NTM: variants seen among roughly 807,000 people sequenced by gnomAD.
NTM encodes IgLON family member 2.
A neutral mutation model predicts 42.1 loss-of-function variants in NTM; 13 were observed. The ratio of observed to expected loss-of-function variants is 0.31; its 90% CI spans 0.20 to 0.49. The LOEUF is 0.49. Ranked by LOEUF, NTM falls within the 20% of genes least tolerant of loss-of-function variation. The pLI, the probability that NTM is intolerant of heterozygous loss-of-function variation, is 0.99. For missense variants in NTM, 373 were observed against 452.8 expected, an observed-to-expected ratio of 0.82 and a Z score of 1.60; for synonymous variants, 187 against 179.2, an observed-to-expected ratio of 1.04 and a Z score of -0.35.
rs1019899764 is a variant in NTM at position 131,688,286 on chromosome 11, C to T, written c.83-223278C>T. Among the ~76,000 whole-genome samples, 4 of 152,316 alleles carry T rather than the reference C, an allele frequency of 2.6e-5. No individual in the cohort carries two copies. The South Asian group carries it at 8.3e-4, about 32-fold the overall frequency. On this transcript the variant is annotated intron_variant, in intron 1 of 8. Coordinates refer to ENST00000683400, the MANE Select transcript of NTM (RefSeq NM_001352005.2). The stretch of plus-strand genomic sequence containing the variant: ...CAGACAGGGGGGAAAGCAGCTTGCC[C>T]GTCCTCCTTCCGTGCCCCTCCTGGG...
intron 1 of NTM, among the ~76,000 whole-genome samples, chr11:131,523,594 G>C (rs993480948): frequency 6.6e-6 from 1 of 152,034 alleles, no homozygotes; most frequent in Non-Finnish European, 1.5e-5. Context: ...TTCAGGGCCA[G>C]CCTGGCCAAC....
intron 2 of NTM, among the ~76,000 whole-genome samples, chr11:132,122,849 C>A (rs1229977957): frequency 6.6e-6 from 1 of 152,096 alleles, no homozygotes; most frequent in Admixed American, 6.6e-5. Flanking sequence ...CACAGTGGTG[C>A]CCAGAATTAG....
intron 1 of NTM, among the ~76,000 whole-genome samples, chr11:131,374,513 G>A (rs1339362478): frequency 6.6e-6 from 1 of 152,174 alleles, no homozygotes; most frequent in African/African-American, 2.4e-5. Context: ...TACAGTCCCT[G>A]ACTTCTGTTC....
chr11:131,733,528 TTTCTTTCG>T (rs796692899), intron 1 of NTM, among the ~76,000 whole-genome samples: 3 of 151,100 alleles, frequency 2.0e-5, no homozygotes, highest in African/African-American at 4.9e-5. Context: ...CCTTTCTTTC[TTTCTTTCG>T]TTGTTTTTTG....
At chr11:131,916,829 G>A (rs554285218) in intron 2 of NTM, among the ~76,000 whole-genome samples, 1 of 152,272 alleles carries the variant, frequency 6.6e-6, no homozygotes, top group African/African-American at 2.4e-5. Flanking sequence ...TCACTCTGTT[G>A]TGGACACCCA....
chr11:131,444,780 A>G (rs1436099984), intron 1 of NTM, among the ~76,000 whole-genome samples: 1 of 152,194 alleles, frequency 6.6e-6, no homozygotes, highest in Non-Finnish European at 1.5e-5. Context: ...TACAAGTGGA[A>G]TCAGTTGATC....
At chr11:131,976,143 C>CCTTT (rs1478736231) in intron 2 of NTM, among the ~76,000 whole-genome samples, 1 of 141,820 alleles carries the variant, frequency 7.1e-6, no homozygotes, top group African/African-American at 2.5e-5. Context: ...TTCCTTCCTT[C>CCTTT]CTTCCTTCCT....
chr11:131,743,728 G>A (rs2063024), intron 1 of NTM, among the ~76,000 whole-genome samples: 37,679 of 152,060 alleles, frequency 0.25, 5,384 homozygotes, highest in African/African-American at 0.38. Context: ...ATAGGAGGTC[G>A]TGTGAAACAG....
chr11:131,809,637 T>C (rs2092656711), intron 1 of NTM, among the ~76,000 whole-genome samples: 1 of 152,254 alleles, frequency 6.6e-6, no homozygotes, highest in African/African-American at 2.4e-5. Flanking sequence ...CTCAGTTTTG[T>C]TGCTGTGAAA....
At chr11:131,462,160 G>C (rs561197282) in intron 1 of NTM, among the ~76,000 whole-genome samples, 6 of 152,192 alleles carry the variant, frequency 3.9e-5, no homozygotes, top group Non-Finnish European at 7.3e-5. Context: ...GATCCAAGAG[G>C]CTGAATACTG....
chr11:132,132,351 A>G (rs949872352), intron 2 of NTM, among the ~76,000 whole-genome samples: 2 of 152,346 alleles, frequency 1.3e-5, no homozygotes, highest in Admixed American at 1.3e-4. Context: ...TTGTCATTCA[A>G]TTGCCTGTGC....
chr11:131,804,710 A>G (rs1565573639), intron 1 of NTM, among the ~76,000 whole-genome samples: 3 of 152,022 alleles, frequency 2.0e-5, no homozygotes, highest in Admixed American at 1.3e-4. Flanking sequence ...CTATGTCTCT[A>G]TTGCTGTGGT....
chr11:132,249,395 A>G (rs2091658494), intron 4 of NTM, among the ~76,000 whole-genome samples: 1 of 152,120 alleles, frequency 6.6e-6, no homozygotes, highest in African/African-American at 2.4e-5. Context: ...CTCCCTGGAG[A>G]AGGCAGGGAC....
chr11:132,322,743 A>G (rs1471757652), intron 7 of NTM, among the ~76,000 whole-genome samples: 2 of 142,746 alleles, frequency 1.4e-5, no homozygotes, highest in African/African-American at 5.2e-5. Flanking sequence ...TCAGCACCAC[A>G]CCACACCTAT....
At chr11:132,050,984 C>T (rs1341014608) in intron 2 of NTM, among the ~76,000 whole-genome samples, 1 of 152,156 alleles carries the variant, frequency 6.6e-6, no homozygotes, top group Non-Finnish European at 1.5e-5. Context: ...TGCAGCAAGT[C>T]GGGGGTGGTG....
chr11:131,388,520 G>A (rs1031383995), intron 1 of NTM, among the ~76,000 whole-genome samples: 2 of 151,262 alleles, frequency 1.3e-5, no homozygotes, highest in East Asian at 3.9e-4. Flanking sequence ...TAAGTATTAG[G>A]TACTTAGTGG....
chr11:131,874,448 C>T (rs541976483), intron 1 of NTM, among the ~76,000 whole-genome samples: 1 of 152,178 alleles, frequency 6.6e-6, no homozygotes, highest in South Asian at 2.1e-4. Flanking sequence ...AGACATTCTC[C>T]ACTAAAGAAA....
rs115817695 is a variant in NTM at position 131,791,802 on chromosome 11, A to T, written c.83-119762A>T. Among the ~76,000 whole-genome samples, 525 of 152,284 alleles carry T rather than the reference A, an allele frequency of 3.4e-3. 6 individuals carry two copies. Among genetic ancestry groups the T allele is most frequent in the African/African-American group, 0.012 (491 of 41,558 alleles). Reference sequence around the variant, plus strand: ...CTTAGAAGACGAAGTGTTACCAAATATGGCTTTGGAGGGAGAGTTTGAAGT... The same window carrying T: ...CTTAGAAGACGAAGTGTTACCAAATTTGGCTTTGGAGGGAGAGTTTGAAGT... On this transcript the variant is annotated intron_variant, in intron 1 of 8. Transcript: ENST00000683400.
intron 2 of NTM, among the ~76,000 whole-genome samples, chr11:131,933,691 T>TATACCC (rs1321395857): frequency 6.6e-6 from 1 of 152,000 alleles, no homozygotes; most frequent in African/African-American, 2.4e-5. Flanking sequence ...CTTCTTAACC[T>TATACCC]ATACCCAAGC....
Sources: gnomAD v4.1 joint callset for allele counts (sites outside exome capture counted in the v4.1 genomes callset) on GRCh38, gnomAD v4.1.1 for gene constraint, MANE v1.5 for transcripts, NCBI Gene and HGNC (gene_info 2026-07-23, HGNC 2026-07-21) for gene names.